Variants in RGS9 observed in about 807,000 individuals in gnomAD.
The protein encoded by RGS9 is regulator of G-protein signalling 9.
A neutral mutation model predicts 102.0 loss-of-function variants in RGS9; 78 were observed. That is an observed-to-expected ratio of 0.76 (90% CI 0.64 to 0.92). RGS9 has a LOEUF of 0.92. Ranked by LOEUF, RGS9 falls within the 40% of genes least tolerant of loss-of-function variation. RGS9 has a pLI of 0.00. For synonymous variants in RGS9, 353 were observed against 318.6 expected, an observed-to-expected ratio of 1.11 and a Z score of -1.15; for missense variants, 833 against 866.1, an observed-to-expected ratio of 0.96 and a Z score of 0.48.
At chr17:65,187,219 G>T (rs1375307111) in intron 9 of RGS9, among the ~76,000 whole-genome samples, 1 of 152,144 alleles carries the variant, frequency 6.6e-6, no homozygotes, top group African/African-American at 2.4e-5. Context: ...CATCTACTCT[G>T]CATCGGACAT....
intron 9 of RGS9, among the ~76,000 whole-genome samples, chr17:65,182,634 A>G (rs571499402): frequency 1.7e-4 from 26 of 152,172 alleles, no homozygotes; most frequent in Non-Finnish European, 3.2e-4. Flanking sequence ...CCTTTTTCAC[A>G]TGAAGAAAAC....
At position 65,200,861 on chromosome 17, in the gene RGS9, G is replaced by T. The variant is rs1276304785; in HGVS notation, c.977-1132G>T. 3.3e-5 allele frequency among the ~76,000 whole-genome samples: 5 copies of T among 152,190 alleles called. No individual in the cohort carries two copies. The East Asian group carries it at 9.6e-4, about 29-fold the overall frequency. ...AGAAATAGAAAAAAGTTATGAAAAG[G>T]TATCATGAATCCATAAAATATATAT... is the stretch of plus-strand genomic sequence containing the variant. On this transcript the variant is annotated intron_variant, in intron 13 of 18. Transcript: ENST00000262406.
In RGS9 at chr17:65,161,004, C is replaced by T. The variant is rs8075022; in HGVS notation, c.423+95C>T. ...ATTCCCACATCACTACATTCATATG[C>T]GCCCACATTCATATGCAATCCATCC... On this transcript the variant is annotated intron_variant, in intron 6 of 18. Transcript: ENST00000262406. 3.0e-3 allele frequency: 2,966 copies of T among 1,001,782 alleles called. 65 individuals are homozygous for T. In the African/African-American group the frequency reaches 0.042, roughly 14 times the overall value. The allele number at this position is 1,001,782 out of a possible 1,614,324, so 62.1% of individuals were successfully genotyped here.
At chr17:65,153,599 A>T in intron 2 of RGS9, 81 bp downstream of exon 2, 1 of 1,254,456 alleles carries the variant, frequency 8.0e-7, no homozygotes, top group African/African-American at 1.5e-5. Flanking sequence ...TTTGTAAAAA[A>T]CTTTATTTTT....
At chr17:65,226,403 G>T (rs554106841) in intron 18 of RGS9, among the ~76,000 whole-genome samples, 3 of 152,158 alleles carry the variant, frequency 2.0e-5, no homozygotes, top group Non-Finnish European at 4.4e-5. Context: ...TGTCGCTTAG[G>T]GGGAGAGGGA....
chr17:65,180,849 G>C (rs1465304477), intron 9 of RGS9, among the ~76,000 whole-genome samples: 1 of 152,008 alleles, frequency 6.6e-6, no homozygotes, highest in Non-Finnish European at 1.5e-5. Flanking sequence ...CCTTCTTTGT[G>C]TCCTTGTGTA....
intron 1 of RGS9, among the ~76,000 whole-genome samples, chr17:65,151,327 A>G (rs1910569816): frequency 6.8e-6 from 1 of 147,580 alleles, no homozygotes; most frequent in Admixed American, 6.7e-5. Flanking sequence ...CCTGGGCGAC[A>G]GAGGAAGACC....
chr17:65,169,649 C>T (rs1257265472), intron 8 of RGS9, among the ~76,000 whole-genome samples: 1 of 152,200 alleles, frequency 6.6e-6, no homozygotes, highest in East Asian at 1.9e-4. Context: ...TGACTACATT[C>T]CTTGCAAAGT....
chr17:65,161,730 A>G (rs3971815), intron 6 of RGS9, among the ~76,000 whole-genome samples: 3 of 149,126 alleles, frequency 2.0e-5, no homozygotes, highest in African/African-American at 7.7e-5. Flanking sequence ...TTATTTATTT[A>G]TTTATTTGAG....
At chr17:65,191,936 G>A (rs1912384784) in intron 11 of RGS9, among the ~76,000 whole-genome samples, 1 of 152,138 alleles carries the variant, frequency 6.6e-6, no homozygotes, top group South Asian at 2.1e-4. Flanking sequence ...CAGGGCAGGT[G>A]CATTTCACAT....
At position 65,183,965 on chromosome 17, in the gene RGS9, T is replaced by C. The variant is rs371730769; in HGVS notation, c.655-5321T>C. Among the ~76,000 whole-genome samples the C allele has an allele frequency of 2.6e-5, 4 of 152,240 alleles. No individual in the cohort carries two copies. In the East Asian group the frequency reaches 5.8e-4, roughly 22 times the overall value. On this transcript the variant is annotated intron_variant, in intron 9 of 18. Coordinates refer to ENST00000262406, the MANE Select transcript of RGS9 (RefSeq NM_003835.4). Reference sequence around the variant, plus strand: ...AACTCTGCAAGGGAAAAATAAGAAGTTGTTAGAATGCTAAGAATGCAGAGC... The same window carrying C: ...AACTCTGCAAGGGAAAAATAAGAAGCTGTTAGAATGCTAAGAATGCAGAGC...
At chr17:65,221,803 G>A (rs564009617) in intron 17 of RGS9, among the ~76,000 whole-genome samples, 22 of 152,312 alleles carry the variant, frequency 1.4e-4, no homozygotes, top group Admixed American at 4.6e-4. Context: ...GTCTTCCCAC[G>A]GTGGAAGGGC....
Position 65,190,196 on chromosome 17 carries a change from T to A in RGS9, c.706T>A (p.Leu236Met), listed in dbSNP as rs750839214. ...CCAGATCATGTATTACCAACAGGCC[T>A]TGATGAGGTCCACAGTGAAGTCTTC... is the stretch of plus-strand genomic sequence containing the variant. ...KKEIMYYQQA[L>M]MRSTVKSSVS... Residue 236 changes from leucine (L) to methionine (M), a missense_variant, in exon 11 of 19, where the codon TTG becomes ATG. This residue lies in a region of RGS9 where 328 missense variants were observed against 340.6 expected (regional missense o/e 0.96). Coordinates refer to ENST00000262406, the MANE Select transcript of RGS9 (RefSeq NM_003835.4). The A allele has an allele frequency of 6.2e-7, 1 of 1,613,708 alleles. No homozygotes were observed. The highest frequency in any genetic ancestry group is 8.5e-7 in the Non-Finnish European group (1 of 1,179,700).
chr17:65,201,949 A>G, intron 13 of RGS9, 44 bp from the exon 14 acceptor site: 1 of 1,326,752 alleles, frequency 7.5e-7, no homozygotes, highest in African/African-American at 1.4e-5. Context: ...CTTCCAACTT[A>G]TTTCCTGCCC....
At chr17:65,149,131 T>G (rs1475583792) in intron 1 of RGS9, among the ~76,000 whole-genome samples, 1 of 123,146 alleles carries the variant, frequency 8.1e-6, no homozygotes, top group Non-Finnish European at 1.5e-5. Flanking sequence ...CCGGCTAGTT[T>G]TTTTTTTGTT....
intron 17 of RGS9, among the ~76,000 whole-genome samples, chr17:65,216,215 A>G (rs555661828): frequency 5.9e-5 from 9 of 152,370 alleles, no homozygotes; most frequent in African/African-American, 2.2e-4. Flanking sequence ...TTTAGACAGT[A>G]GTTTGTACAC....
At chr17:65,192,477 G>A (rs1912405108) in intron 11 of RGS9, among the ~76,000 whole-genome samples, 1 of 151,916 alleles carries the variant, frequency 6.6e-6, no homozygotes, top group South Asian at 2.1e-4. Flanking sequence ...TTAGCCAGGT[G>A]GTGGCACATG....
At chr17:65,194,168 C>T (rs549156159) in intron 12 of RGS9, among the ~76,000 whole-genome samples, 24 of 152,322 alleles carry the variant, frequency 1.6e-4, no homozygotes, top group African/African-American at 5.1e-4. Context: ...TCTTTTGCGA[C>T]GAGCTTTTTT....
intron 15 of RGS9, among the ~76,000 whole-genome samples, chr17:65,206,173 A>T (rs1422641978): frequency 2.0e-5 from 3 of 152,154 alleles, no homozygotes; most frequent in Non-Finnish European, 2.9e-5. Flanking sequence ...TGTATCATTT[A>T]AAAGTATTTT....
Sources: gnomAD v4.1 joint callset for allele counts (sites outside exome capture counted in the v4.1 genomes callset) on GRCh38, gnomAD v4.1.1 for gene constraint, gnomAD v4.1.1 regional missense constraint, MANE v1.5 for transcripts, NCBI Gene and HGNC (gene_info 2026-07-23, HGNC 2026-07-21) for gene names.